Variants in SIPA1L1 observed in about 807,000 individuals in gnomAD.
SIPA1L1 encodes the protein signal induced proliferation associated 1 like 1.
In SIPA1L1, 26 loss-of-function variants were observed where a neutral mutation model predicts 162.7. The observed-to-expected ratio is 0.16, with a 90% CI of 0.12 to 0.22. The LOEUF (loss-of-function observed/expected upper bound fraction) is 0.22. SIPA1L1 is among the 10% of genes least tolerant of loss of function. The probability of loss-of-function intolerance (pLI) is 1.00; values close to 1 mark genes in which losing one functional copy is unlikely to be tolerated. For missense variants in SIPA1L1, 1,874 were observed against 2,241.0 expected (o/e 0.84, Z 3.31); for synonymous variants, 829 against 837.4 (o/e 0.99, Z 0.17).
chr14:71,538,233 G>A (rs1386347075), intron 4 of SIPA1L1, among the ~76,000 whole-genome samples: 2 of 151,944 alleles, frequency 1.3e-5, no homozygotes, highest in Admixed American at 6.6e-5. Context: ...CAGGTTTTAA[G>A]GTAAGAATTG....
Position 71,428,641 on chromosome 14 carries a change from C to T in SIPA1L1, c.-464-84102C>T, listed in dbSNP as rs150538513. ...AGAAGGGCTCTGGCCTGTTAAATGC[C>T]CTGAAGTCCCTTTGGTCAAAAAGGA... On this transcript the variant is annotated intron_variant, in intron 2 of 23. Transcript: ENST00000381232. 4.6e-3 allele frequency among the ~76,000 whole-genome samples: 694 copies of T among 152,160 alleles called. 6 individuals are homozygous for T. Among genetic ancestry groups the T allele is most frequent in the Middle Eastern group, 6.8e-3 (2 of 294 alleles).
intron 2 of SIPA1L1, among the ~76,000 whole-genome samples, chr14:71,383,782 G>GCTAAT (rs976505202): frequency 1.3e-5 from 2 of 152,072 alleles, no homozygotes; most frequent in Admixed American, 1.3e-4. Context: ...AGGGGATGGT[G>GCTAAT]CTAATCCATC....
chr14:71,710,381 A>C (rs1036810113), intron 17 of SIPA1L1, among the ~76,000 whole-genome samples: 5 of 152,228 alleles, frequency 3.3e-5, no homozygotes, highest in Non-Finnish European at 7.3e-5. Flanking sequence ...GAAGCATTCC[A>C]TCACTGTCTT....
At chr14:71,632,746 A>T (rs1298885878) in intron 7 of SIPA1L1, among the ~76,000 whole-genome samples, 3 of 152,236 alleles carry the variant, frequency 2.0e-5, no homozygotes, top group Non-Finnish European at 4.4e-5. Flanking sequence ...GAGACTCAGC[A>T]GGGAGCTGGA....
intron 10 of SIPA1L1, among the ~76,000 whole-genome samples, chr14:71,667,082 G>T (rs1257488533): frequency 1.3e-5 from 2 of 152,076 alleles, no homozygotes; most frequent in Non-Finnish European, 2.9e-5. Flanking sequence ...GTTCAGACTT[G>T]CAAGCATAGC....
chr14:71,539,164 G>T (rs149906982), intron 4 of SIPA1L1, among the ~76,000 whole-genome samples: 31 of 152,258 alleles, frequency 2.0e-4, no homozygotes, highest in Admixed American at 3.3e-4. Flanking sequence ...CTCCATTCAA[G>T]GATGCTCTCT....
At chr14:71,657,993 A>C (rs527522793) in intron 8 of SIPA1L1, among the ~76,000 whole-genome samples, 2 of 152,284 alleles carry the variant, frequency 1.3e-5, no homozygotes, top group Admixed American at 1.3e-4. Context: ...ATTACAGTAG[A>C]TATTAGACCA....
chr14:71,586,281 G>A (rs532964050), intron 4 of SIPA1L1: 3 of 150,416 alleles, frequency 2.0e-5, no homozygotes, highest in Admixed American at 1.3e-4. Context: ...AAATAGCAGC[G>A]AGTCTTCTAA....
chr14:71,490,751 A>T (rs558701650), intron 2 of SIPA1L1, among the ~76,000 whole-genome samples: 1 of 152,220 alleles, frequency 6.6e-6, no homozygotes, highest in Non-Finnish European at 1.5e-5. Context: ...TCTTTGTTGT[A>T]TACCCATTTG....
At position 71,404,672 on chromosome 14, in the gene SIPA1L1, A is replaced by T. The variant is rs1435835162; in HGVS notation, c.-465+83491A>T. Among the ~76,000 whole-genome samples, 3 of 152,354 alleles carry T rather than the reference A, an allele frequency of 2.0e-5. No individual in the cohort carries two copies. The East Asian group carries it at 5.8e-4, about 29-fold the overall frequency. On this transcript the variant is annotated intron_variant, in intron 2 of 23. Transcript: ENST00000381232. ...CCAGCCTAACAGTAGGCATGTATTA[A>T]CTATTAATTTGTTACAGGCCTTGAA...
chr14:71,372,046 G>A (rs896846152), intron 2 of SIPA1L1, among the ~76,000 whole-genome samples: 10 of 152,122 alleles, frequency 6.6e-5, no homozygotes, highest in African/African-American at 2.4e-4. Context: ...TTTATTAAGA[G>A]GTTAGAAAAT....
chr14:71,330,507 A>T, intron 2 of SIPA1L1: 1 of 1,596,900 alleles, frequency 6.3e-7, no homozygotes, highest in Non-Finnish European at 8.6e-7. Flanking sequence ...GTCCTGCTCT[A>T]TGTGCATCAG....
chr14:71,517,802 C>G (rs1304095849), intron 3 of SIPA1L1, among the ~76,000 whole-genome samples: 1 of 151,958 alleles, frequency 6.6e-6, no homozygotes, highest in African/African-American at 2.4e-5. Flanking sequence ...TATTGAAGGA[C>G]TTTTTGTATT....
At chr14:71,677,495 A>G (rs1004012635) in intron 12 of SIPA1L1, among the ~76,000 whole-genome samples, 1 of 152,114 alleles carries the variant, frequency 6.6e-6, no homozygotes, top group East Asian at 1.9e-4. Context: ...CCATTTGTCT[A>G]TTTTGGCTTT....
At chr14:71,471,559 C>A (rs1166912310) in intron 2 of SIPA1L1, among the ~76,000 whole-genome samples, 2 of 152,202 alleles carry the variant, frequency 1.3e-5, no homozygotes, top group African/African-American at 4.8e-5. Flanking sequence ...AGGGTCCTTT[C>A]CCTCTAGATG....
chr14:71,519,744 A>G (rs2052112625), intron 3 of SIPA1L1, among the ~76,000 whole-genome samples: 2 of 152,114 alleles, frequency 1.3e-5, no homozygotes, highest in Non-Finnish European at 2.9e-5. Flanking sequence ...AGGCAGGATT[A>G]TTGCTTGAGC....
intron 6 of SIPA1L1, among the ~76,000 whole-genome samples, chr14:71,621,925 C>A (rs965220846): frequency 1.3e-4 from 20 of 152,096 alleles, no homozygotes; most frequent in African/African-American, 4.8e-4. Context: ...AATAAATAAT[C>A]CATAAATTTG....
At position 71,730,262 on chromosome 14, in the gene SIPA1L1, A is replaced by T; in HGVS notation, c.4822A>T (p.Arg1608Trp). ...TTCTCTCCCCAAGTCGCTCCCGTTG[A>T]GGAGGCCTTCTTACACCTTAGGAAT... ...YPSLPKSLPL[R>W]RPSYTLGMKS... The change falls in exon 20 of 24, where the codon AGG becomes TGG. Residue 1608 changes from arginine to tryptophan, a missense_variant. Around this residue, in one of 5 missense-constraint regions of SIPA1L1, gnomAD observed 936 missense variants for 1,051.9 expected, o/e 0.89. Transcript: ENST00000381232. 1 of 1,614,156 alleles carries T rather than the reference A, an allele frequency of 6.2e-7. No homozygotes were observed. The highest frequency in any genetic ancestry group is 8.5e-7 in the Non-Finnish European group (1 of 1,180,008).
At chr14:71,329,522 C>T (rs916301219) in intron 2 of SIPA1L1, among the ~76,000 whole-genome samples, 8 of 151,576 alleles carry the variant, frequency 5.3e-5, no homozygotes, top group African/African-American at 1.5e-4. Context: ...CTCACTGCAA[C>T]GTCCACCTCC....
Sources: allele counts gnomAD v4.1 joint callset (sites outside exome capture counted in the v4.1 genomes callset), GRCh38; gene constraint gnomAD v4.1.1; regional missense constraint gnomAD v4.1.1; transcripts MANE v1.5; gene names NCBI Gene and HGNC (gene_info 2026-07-23, HGNC 2026-07-21).